Variants in CRYAB observed in about 807,000 individuals in gnomAD.
CRYAB encodes alpha-crystallin B chain.
Under a neutral mutation model 12.7 loss-of-function variants are expected in CRYAB, and 9 were observed. The observed-to-expected ratio is 0.71, with a 90% CI of 0.43 to 1.24. The LOEUF (loss-of-function observed/expected upper bound fraction) is 1.24, where lower values mean the gene tolerates loss of function less well. Among genes scored for constraint, CRYAB ranks in the 50% most tolerant of loss-of-function variants. The probability of loss-of-function intolerance (pLI) is 0.00; values close to 1 mark genes in which losing one functional copy is unlikely to be tolerated. For synonymous variants in CRYAB, 93 were observed against 86.8 expected (o/e 1.07, Z -0.40); for missense variants, 183 against 226.6 (o/e 0.81, Z 1.24).
chr11:111,910,483 G>T, intron 1 of CRYAB, 34 bp from the exon 2 acceptor site: 6 of 1,613,738 alleles, frequency 3.7e-6, no homozygotes, highest in Non-Finnish European at 4.2e-6. Flanking sequence ...TGGGATGGGA[G>T]AAAGAGGGCA....
Position 111,910,435 on chromosome 11 carries a change from C to T in CRYAB, c.216G>A (p.Lys72=), listed in dbSNP as rs561116151. ...CATCCAGGTTGACAGAGAACCTGTC[C>T]TTCTCCAGGCGCATCTAGAAATAGC... ...DTGLSEMRLE[K]DRFSVNLDVK... is the part of the protein sequence containing the mutation. Residue 72 remains lysine (K), a synonymous_variant, in exon 2 of 3, where the codon AAG becomes AAA. Coordinates refer to ENST00000650687, the MANE Select transcript of CRYAB (RefSeq NM_001289808.2). The T allele has an allele frequency of 4.0e-5, 64 of 1,614,126 alleles. No homozygotes were observed. The highest frequency in any genetic ancestry group is 3.2e-4 in the African/African-American group (24 of 75,038).
intron 1 of CRYAB, among the ~76,000 whole-genome samples, chr11:111,920,223 A>G (rs1555166420): frequency 6.6e-6 from 1 of 151,792 alleles, no homozygotes; most frequent in African/African-American, 2.4e-5. Context: ...AATAGAATAA[A>G]ATAAAATAAA....
upstream of CRYAB, chr11:111,913,113 A>AGTG: frequency 3.3e-6 from 2 of 604,850 alleles, no homozygotes; most frequent in Non-Finnish European, 6.0e-6. Flanking sequence ...ACCTCAAGAC[A>AGTG]CACTTGGTGC....
upstream of CRYAB, chr11:111,912,997 T>G: frequency 2.0e-5 from 19 of 937,530 alleles, no homozygotes; most frequent in East Asian, 8.9e-5. Context: ...CCAACGTTGC[T>G]GGCCTCCACC....
chr11:111,920,536 T>G (rs1453010143), intron 1 of CRYAB, among the ~76,000 whole-genome samples: 3 of 151,220 alleles, frequency 2.0e-5, no homozygotes, highest in Non-Finnish European at 4.4e-5. Flanking sequence ...AGACTATGTC[T>G]TGAAAAAAAA....
At chr11:111,910,300 C>G in intron 2 of CRYAB, 27 bp downstream of exon 2, 1 of 1,613,922 alleles carries the variant, frequency 6.2e-7, no homozygotes, top group Non-Finnish European at 8.5e-7. Context: ...AATGAATGAG[C>G]AGAAAACAAA....
chr11:111,910,688 C>A, intron 1 of CRYAB: 1 of 581,316 alleles, frequency 1.7e-6, no homozygotes, highest in Non-Finnish European at 3.1e-6. Flanking sequence ...GAGAAGAAGA[C>A]AGATCACCCA....
At chr11:111,913,222 T>A, upstream of CRYAB, 1 of 555,190 alleles carries the variant, frequency 1.8e-6, no homozygotes, top group East Asian at 3.2e-5. Flanking sequence ...CTCCCCCTCC[T>A]CCTCCTTCTC....
At chr11:111,910,735 C>CT (rs1965426689) in intron 1 of CRYAB, 1 of 484,732 alleles carries the variant, frequency 2.1e-6, no homozygotes, top group African/African-American at 1.9e-5. Context: ...AGCCTGGCAT[C>CT]TGCTGCCTCT....
At chr11:111,918,885 C>T in intron 1 of CRYAB, 1 of 1,505,982 alleles carries the variant, frequency 6.6e-7, no homozygotes, top group Admixed American at 1.7e-5. Context: ...ACTCCGGGAG[C>T]TGCCGCGGAA....
intron 2 of CRYAB, chr11:111,909,949 A>G (rs1965400388): frequency 3.5e-6 from 2 of 571,608 alleles, no homozygotes; most frequent in Non-Finnish European, 6.2e-6. Flanking sequence ...TGCTGATTTA[A>G]TTGGTCTGGA....
chr11:111,918,074 T>C (rs782061559), upstream of CRYAB: 3 of 152,002 alleles, frequency 2.0e-5, no homozygotes, highest in African/African-American at 4.8e-5. Flanking sequence ...TAAAGGACAA[T>C]AACCAGGCAT....
At position 111,908,684 on chromosome 11, in the gene CRYAB, C is replaced by A; in HGVS notation, c.*80G>T. 7.1e-7 allele frequency: 1 copy of A among 1,410,858 alleles called. No homozygotes were observed. Among genetic ancestry groups the A allele is most frequent in the South Asian group, 1.2e-5 (1 of 86,042 alleles). 87.4% of individuals were successfully genotyped at this position (1,410,858 alleles called of 1,614,324 possible). A position where few individuals can be genotyped will look rare whatever the true frequency, so the allele number is the denominator to read the frequency against. On this transcript the variant is annotated 3_prime_UTR_variant, in exon 3 of 3. Transcript: ENST00000650687. ...TGGGCCTGCCCTTAGCATTAATAAG[C>A]TTCAGCACTAGTCACAAGACTTTCA...
chr11:111,916,846 T>C (rs1458711244), upstream of CRYAB, among the ~76,000 whole-genome samples: 2 of 152,008 alleles, frequency 1.3e-5, no homozygotes, highest in African/African-American at 4.8e-5. Context: ...TTTTCTTTTC[T>C]TTTCCTTTTT....
At chr11:111,913,373 T>C (rs111836778), upstream of CRYAB, 95 of 1,237,088 alleles carry the variant, frequency 7.7e-5, no homozygotes, top group Non-Finnish European at 1.1e-4. Context: ...TCTCCAGATT[T>C]CCCATTTCGC....
At chr11:111,912,507 C>A, upstream of CRYAB, 2 of 461,072 alleles carry the variant, frequency 4.3e-6, no homozygotes, top group Non-Finnish European at 7.9e-6. Flanking sequence ...GAGGCCTCTT[C>A]ATGCCCCAGG....
intron 2 of CRYAB, 77 bp from the exon 3 acceptor site, chr11:111,909,044 C>A: frequency 6.8e-7 from 1 of 1,461,542 alleles, no homozygotes; most frequent in South Asian, 1.2e-5. Context: ...CTCAGGCATC[C>A]TGATTTCCCC....
At chr11:111,914,842 G>A (rs1275227705), upstream of CRYAB, among the ~76,000 whole-genome samples, 2 of 152,162 alleles carry the variant, frequency 1.3e-5, no homozygotes, top group South Asian at 2.1e-4. Flanking sequence ...TTGGGAGGCC[G>A]AGGCAGGAGG....
upstream of CRYAB, chr11:111,914,052 G>A: frequency 1.4e-6 from 1 of 708,894 alleles, no homozygotes; most frequent in Non-Finnish European, 2.3e-6. Context: ...CATAGCCTTG[G>A]TTTAGTTTTG....
Sources: allele counts gnomAD v4.1 joint callset (sites outside exome capture counted in the v4.1 genomes callset), GRCh38; gene constraint gnomAD v4.1.1; transcripts MANE v1.5; gene names NCBI Gene and HGNC (gene_info 2026-07-23, HGNC 2026-07-21).